Variants in CDPF1 observed in about 807,000 individuals in gnomAD.
CDPF1 encodes the protein cysteine-rich DPF motif domain-containing protein 1.
CDPF1 carries 8 observed loss-of-function variants against 8.3 expected under a neutral mutation model. That is an observed-to-expected ratio of 0.96 (90% CI 0.57 to 1.74). CDPF1 has a LOEUF of 1.74. Ranked by LOEUF, CDPF1 falls within the 40% of genes most tolerant of loss-of-function variation. CDPF1 has a pLI of 0.00. For synonymous variants in CDPF1, 62 were observed against 62.9 expected (o/e 0.99, Z 0.07); for missense variants, 151 against 155.3 (o/e 0.97, Z 0.15).
In CDPF1 at chr22:46,247,898, G is replaced by C. The variant is rs192102870; in HGVS notation, c.113+274C>G. Among the ~76,000 whole-genome samples the C allele has an allele frequency of 1.3e-5, 2 of 152,342 alleles. No homozygotes were observed. ...TCATGGCAAGGGTGCAGCCCCAAAGGGGGAGGCCACCACAGGTCCCCCAGC... is the reference window on the plus strand; with the variant it reads ...TCATGGCAAGGGTGCAGCCCCAAAGCGGGAGGCCACCACAGGTCCCCCAGC... On this transcript the variant is annotated intron_variant, in intron 2 of 3. Coordinates refer to ENST00000314567, the MANE Select transcript of CDPF1 (RefSeq NM_207327.5). The surrounding 1 kb of genome is among the most constrained non-coding windows in gnomAD (Gnocchi z 4.3).
rs916488675 is a variant in CDPF1 at position 46,245,579 on chromosome 22, C to A, written c.226-341G>T. ...CCGAAAATCCCAGAGTCCTCCCGTC[C>A]CAGCTATCGCAGCACGAACAGTGGC... On this transcript the variant is annotated intron_variant, in intron 3 of 3. Coordinates refer to ENST00000314567, the MANE Select transcript of CDPF1 (RefSeq NM_207327.5). This position sits in a 1 kb window ranked among gnomAD's most constrained non-coding sequence, Gnocchi z 6.9. Among the ~76,000 whole-genome samples the A allele has an allele frequency of 1.3e-5, 2 of 152,350 alleles. No individual in the cohort carries two copies. Among genetic ancestry groups the A allele is most frequent in the Non-Finnish European group, 2.9e-5 (2 of 68,030 alleles).
In CDPF1 at chr22:46,248,469, T is replaced by C. The variant is rs951576321; in HGVS notation, c.1-185A>G. Reference sequence around the variant, plus strand: ...GTGCCCAGAGTGACAGGATTTGCTGTCCATATTCCAATGGTTTAAGGTTTT... The same window carrying C: ...GTGCCCAGAGTGACAGGATTTGCTGCCCATATTCCAATGGTTTAAGGTTTT... On this transcript the variant is annotated intron_variant, in intron 1 of 3. Transcript: ENST00000314567. The surrounding 1 kb of genome is among the most constrained non-coding windows in gnomAD (Gnocchi z 4.1). Among the ~76,000 whole-genome samples, 9 of 152,218 alleles carry C rather than the reference T, an allele frequency of 5.9e-5. No homozygotes were observed. The highest frequency in any genetic ancestry group is 2.2e-4 in the African/African-American group (9 of 41,448).
chr22:46,245,138 T>C lies in CDPF1; in HGVS notation c.326A>G (p.Lys109Arg). 6.2e-7 allele frequency: 1 copy of C among 1,614,226 alleles called. No homozygotes were observed. Among genetic ancestry groups the C allele is most frequent in the Non-Finnish European group, 8.5e-7 (1 of 1,180,022 alleles). ...QEIRQDLEKR[K>R]APSKRTPSQP... ...GCTGGGGGTCCTCTTTGATGGAGCTTTCCTTTTCTCCAAGTCTTGCCGAAT... is the reference window on the plus strand; with the variant it reads ...GCTGGGGGTCCTCTTTGATGGAGCTCTCCTTTTCTCCAAGTCTTGCCGAAT... Residue 109 changes from lysine (K) to arginine (R), a missense_variant, in exon 4 of 4, where the codon AAA (lysine) becomes AGA (arginine). Lys to Arg is a conservative substitution (Grantham distance 26, BLOSUM62 2). Transcript: ENST00000314567. This position sits in a 1 kb window ranked among gnomAD's most constrained non-coding sequence, Gnocchi z 6.9.
Position 46,247,082 on chromosome 22 carries a change from G to A in CDPF1, c.225+28C>T. On this transcript the variant is annotated intron_variant, in intron 3 of 3. Transcript: ENST00000314567. This position sits in a 1 kb window ranked among gnomAD's most constrained non-coding sequence, Gnocchi z 4.3. ...TCCAGGATAACCACAGCAAGGACAG[G>A]TGGCCCCAGCCCACGCTGCTTACCC... 9 of 1,563,718 alleles carry A rather than the reference G, an allele frequency of 5.8e-6. No homozygotes were observed. Among genetic ancestry groups the A allele is most frequent in the Non-Finnish European group, 7.9e-6 (9 of 1,136,898 alleles).
rs1275549067 is a variant in CDPF1 at position 46,249,370 on chromosome 22, C to T, written c.-1+886G>A. 1.3e-5 allele frequency among the ~76,000 whole-genome samples: 2 copies of T among 152,146 alleles called. No individual in the cohort carries two copies. The highest frequency in any genetic ancestry group is 4.8e-5 in the African/African-American group (2 of 41,432). ...AGTGACTTTAAAAGTTAAGTCTGGC[C>T]CGGTGTGGTTGCTCATACCTGTAAT... On this transcript the variant is annotated intron_variant, in intron 1 of 3. Transcript: ENST00000314567. This position sits in a 1 kb window ranked among gnomAD's most constrained non-coding sequence, Gnocchi z 4.6.
chr22:46,244,863 C>T lies in CDPF1; in HGVS notation c.*229G>A. ...GCATGTGGGGGGACCTGGCCGGGTT[C>T]CTGGCTGTGTCTTGTCTGGCATCTG... On this transcript the variant is annotated 3_prime_UTR_variant, in exon 4 of 4. Coordinates refer to ENST00000314567, the MANE Select transcript of CDPF1 (RefSeq NM_207327.5). The surrounding 1 kb of genome is among the most constrained non-coding windows in gnomAD (Gnocchi z 6.7). The T allele has an allele frequency of 1.9e-6, 1 of 535,118 alleles. No homozygotes were observed. The highest frequency in any genetic ancestry group is 3.3e-6 in the Non-Finnish European group (1 of 299,776). The allele number at this position is 535,118 out of a possible 1,614,324, so 33.1% of individuals were successfully genotyped here. A position where few individuals can be genotyped will look rare whatever the true frequency, so the allele number is the denominator to read the frequency against.
chr22:46,245,587 C>T lies in CDPF1; in HGVS notation c.226-349G>A, dbSNP rs1041961365. Among the ~76,000 whole-genome samples the T allele has an allele frequency of 5.3e-5, 8 of 152,234 alleles. No individual in the cohort carries two copies. Among genetic ancestry groups the T allele is most frequent in the Non-Finnish European group, 1.2e-4 (8 of 68,040 alleles). ...CCCAGAGTCCTCCCGTCCCAGCTAT[C>T]GCAGCACGAACAGTGGCCACCTGGT... On this transcript the variant is annotated intron_variant, in intron 3 of 3. Transcript: ENST00000314567. This position sits in a 1 kb window ranked among gnomAD's most constrained non-coding sequence, Gnocchi z 6.9.
At position 46,249,973 on chromosome 22, in the gene CDPF1, C is replaced by T. The variant is rs920919160; in HGVS notation, c.-1+283G>A. Among the ~76,000 whole-genome samples, 2 of 152,214 alleles carry T rather than the reference C, an allele frequency of 1.3e-5. No individual in the cohort carries two copies. Among genetic ancestry groups the T allele is most frequent in the Admixed American group, 6.5e-5 (1 of 15,288 alleles). ...TGGGGGCGGTGCCTGTGAACAGGGACGGCTGAGAGGGTCCGGGGATGCTGG... is the reference window on the plus strand; with the variant it reads ...TGGGGGCGGTGCCTGTGAACAGGGATGGCTGAGAGGGTCCGGGGATGCTGG... On this transcript the variant is annotated intron_variant, in intron 1 of 3. Coordinates refer to ENST00000314567, the MANE Select transcript of CDPF1 (RefSeq NM_207327.5). This position sits in a 1 kb window ranked among gnomAD's most constrained non-coding sequence, Gnocchi z 4.6.
rs989038031 is a variant in CDPF1, at chr22:46,247,717, C to A, written c.113+455G>T. Reference sequence around the variant, plus strand: ...CGACAGCCAGAAGGAAAAAGCCATGCCCCTGCCACTGCATCCCATGTGAGT... The same window carrying A: ...CGACAGCCAGAAGGAAAAAGCCATGACCCTGCCACTGCATCCCATGTGAGT... On this transcript the variant is annotated intron_variant, in intron 2 of 3. Coordinates refer to ENST00000314567, the MANE Select transcript of CDPF1 (RefSeq NM_207327.5). The surrounding 1 kb of genome is among the most constrained non-coding windows in gnomAD (Gnocchi z 4.3). Among the ~76,000 whole-genome samples the A allele has an allele frequency of 1.3e-5, 2 of 152,242 alleles. No homozygotes were observed. The highest frequency in any genetic ancestry group is 4.8e-5 in the African/African-American group (2 of 41,460).
rs16995067 is a variant in CDPF1, at chr22:46,247,632, A to C, written c.114-411T>G. Among the ~76,000 whole-genome samples the C allele has an allele frequency of 0.12, 18,209 of 152,106 alleles. 1,807 individuals carry two copies. The highest frequency in any genetic ancestry group is 0.27 in the African/African-American group (11,239 of 41,476). ...TGGAAGCCAGCTGGCCTCATGCTAC[A>C]CATCAGAATGAGACCCCAGGGTGAC... is the stretch of plus-strand genomic sequence containing the variant. On this transcript the variant is annotated intron_variant, in intron 2 of 3. Coordinates refer to ENST00000314567, the MANE Select transcript of CDPF1 (RefSeq NM_207327.5). The surrounding 1 kb of genome is among the most constrained non-coding windows in gnomAD (Gnocchi z 4.3).
Position 46,244,194 on chromosome 22 carries a change from G to A in CDPF1, c.*898C>T, listed in dbSNP as rs1309521004. 6.6e-6 allele frequency: 1 copy of A among 152,324 alleles called. No homozygotes were observed. The highest frequency in any genetic ancestry group is 1.5e-5 in the Non-Finnish European group (1 of 68,206). The allele number at this position is 152,324 out of a possible 1,614,324, so 9.4% of individuals were successfully genotyped here. A position where few individuals can be genotyped will look rare whatever the true frequency, so the allele number is the denominator to read the frequency against. ...GGGAGATGGGGAGCCTGGAGTAGGG[G>A]GGTGCTGCAGGAACCCCCGGCAGGC... On this transcript the variant is annotated 3_prime_UTR_variant, in exon 4 of 4. Transcript: ENST00000314567. This position sits in a 1 kb window ranked among gnomAD's most constrained non-coding sequence, Gnocchi z 6.7.
chr22:46,246,690 C>G lies in CDPF1; in HGVS notation c.225+420G>C. On this transcript the variant is annotated intron_variant, in intron 3 of 3. Coordinates refer to ENST00000314567, the MANE Select transcript of CDPF1 (RefSeq NM_207327.5). The surrounding 1 kb of genome is among the most constrained non-coding windows in gnomAD (Gnocchi z 7.1). ...TGCTTTACCTGACTAAGGGGCAGGACTGAATGAAGCCTCAGCAGTAAAACA... is the reference window on the plus strand; with the variant it reads ...TGCTTTACCTGACTAAGGGGCAGGAGTGAATGAAGCCTCAGCAGTAAAACA... 6.3e-7 allele frequency: 1 copy of G among 1,586,930 alleles called. No individual in the cohort carries two copies. The highest frequency in any genetic ancestry group is 8.6e-7 in the Non-Finnish European group (1 of 1,167,034).
rs1936497558 is a variant in CDPF1, at chr22:46,246,813, A to G, written c.225+297T>C. 3.8e-6 allele frequency: 6 copies of G among 1,574,100 alleles called. No homozygotes were observed. The highest frequency in any genetic ancestry group is 5.2e-6 in the Non-Finnish European group (6 of 1,160,576). Reference sequence around the variant, plus strand: ...AAGAACATCTAGAAAGTAAGTCACCATCCTGGTGAGAGGGCGCACAAGGAC... The same window carrying G: ...AAGAACATCTAGAAAGTAAGTCACCGTCCTGGTGAGAGGGCGCACAAGGAC... On this transcript the variant is annotated intron_variant, in intron 3 of 3. Coordinates refer to ENST00000314567, the MANE Select transcript of CDPF1 (RefSeq NM_207327.5). The surrounding 1 kb of genome is among the most constrained non-coding windows in gnomAD (Gnocchi z 7.1).
chr22:46,247,543 G>A lies in CDPF1; in HGVS notation c.114-322C>T, dbSNP rs1035759941. Among the ~76,000 whole-genome samples, 1 of 152,146 alleles carries A rather than the reference G, an allele frequency of 6.6e-6. No individual in the cohort carries two copies. Among genetic ancestry groups the A allele is most frequent in the African/African-American group, 2.4e-5 (1 of 41,428 alleles). ...CCCTGACTGATTCACCACAGTGGGG[G>A]CACAAGGCTGCCACCTGAATACCCC... On this transcript the variant is annotated intron_variant, in intron 2 of 3. Coordinates refer to ENST00000314567, the MANE Select transcript of CDPF1 (RefSeq NM_207327.5). This position sits in a 1 kb window ranked among gnomAD's most constrained non-coding sequence, Gnocchi z 4.3.
chr22:46,249,027 C>CA lies in CDPF1; in HGVS notation c.1-744dup, dbSNP rs1569266804. 6.6e-6 allele frequency among the ~76,000 whole-genome samples: 1 copy of CA among 151,516 alleles called. No homozygotes were observed. Among genetic ancestry groups the CA allele is most frequent in the African/African-American group, 2.4e-5 (1 of 41,324 alleles). On this transcript the variant is annotated intron_variant, in intron 1 of 3. Coordinates refer to ENST00000314567, the MANE Select transcript of CDPF1 (RefSeq NM_207327.5). The surrounding 1 kb of genome is among the most constrained non-coding windows in gnomAD (Gnocchi z 4.6). ...GCGAGACTCCATCTCAAAAAACAAA[C>CA]AAACAAAAAAACTGTTTTCTTATCT... is the stretch of plus-strand genomic sequence containing the variant.
Position 46,247,189 on chromosome 22 carries a change from G to C in CDPF1, c.146C>G (p.Pro49Arg), listed in dbSNP as rs1352209392. The change falls in exon 3 of 4, where the codon CCC becomes CGC. Residue 49 changes from proline to arginine, a missense_variant. Pro to Arg is a moderately radical substitution (Grantham distance 103, BLOSUM62 -2). Transcript: ENST00000314567. This position sits in a 1 kb window ranked among gnomAD's most constrained non-coding sequence, Gnocchi z 4.3. ...GAATCTGTCCTTGTCGGAGGTGAAGGGATCCTTCATGACATAGCTTTCCTC... is the reference window on the plus strand; with the variant it reads ...GAATCTGTCCTTGTCGGAGGTGAAGCGATCCTTCATGACATAGCTTTCCTC... ...LLEESYVMKD[P>R]FTSDKDRFLV... The C allele has an allele frequency of 1.2e-6, 2 of 1,613,864 alleles. No individual in the cohort carries two copies. Among genetic ancestry groups the C allele is most frequent in the Admixed American group, 3.3e-5 (2 of 59,982 alleles).
At position 46,245,919 on chromosome 22, in the gene CDPF1, C is replaced by T. The variant is rs1936483688; in HGVS notation, c.226-681G>A. Among the ~76,000 whole-genome samples the T allele has an allele frequency of 6.6e-6, 1 of 152,192 alleles. No homozygotes were observed. The highest frequency in any genetic ancestry group is 1.5e-5 in the Non-Finnish European group (1 of 68,044). On this transcript the variant is annotated intron_variant, in intron 3 of 3. Transcript: ENST00000314567. This position sits in a 1 kb window ranked among gnomAD's most constrained non-coding sequence, Gnocchi z 6.9. The stretch of plus-strand genomic sequence containing the variant: ...GTGCTCTCACGTCCCTTCCCGCTGC[C>T]TGGGATGCAAATATGATGGTGGGAG...
chr22:46,245,033 G>A lies in CDPF1; in HGVS notation c.*59C>T, dbSNP rs967576796. On this transcript the variant is annotated 3_prime_UTR_variant, in exon 4 of 4. Coordinates refer to ENST00000314567, the MANE Select transcript of CDPF1 (RefSeq NM_207327.5). The surrounding 1 kb of genome is among the most constrained non-coding windows in gnomAD (Gnocchi z 6.9). ...CTCCCAGCTCAGCAGCATCCCTGGC[G>A]CAGGCTGGCCCAGGAGCTCTGTGCA... 32 of 1,590,496 alleles carry A rather than the reference G, an allele frequency of 2.0e-5. No homozygotes were observed. In the African/African-American group the frequency reaches 2.8e-4, roughly 14 times the overall value.
rs1936455568 is a variant in CDPF1 at position 46,244,564 on chromosome 22, G to A, written c.*528C>T. On this transcript the variant is annotated 3_prime_UTR_variant, in exon 4 of 4. Transcript: ENST00000314567. This position sits in a 1 kb window ranked among gnomAD's most constrained non-coding sequence, Gnocchi z 6.7. ...ATTATAAACATAATACATGGTCAAG[G>A]TTAAAAACATTTTCCAAGCACCACA... is the stretch of plus-strand genomic sequence containing the variant. The A allele has an allele frequency of 6.5e-6, 1 of 152,804 alleles. No individual in the cohort carries two copies. Among genetic ancestry groups the A allele is most frequent in the African/African-American group, 2.4e-5 (1 of 41,432 alleles). The allele number at this position is 152,804 out of a possible 1,614,324, so 9.5% of individuals were successfully genotyped here. A position where few individuals can be genotyped will look rare whatever the true frequency, so the allele number is the denominator to read the frequency against.
Sources: allele counts gnomAD v4.1 joint callset (sites outside exome capture counted in the v4.1 genomes callset), GRCh38; gene constraint gnomAD v4.1.1; non-coding constraint Gnocchi (gnomAD v3.1); transcripts MANE v1.5; gene names NCBI Gene and HGNC (gene_info 2026-07-23, HGNC 2026-07-21).